The following MECR variants were observed in gnomAD, a reference collection of about 807,000 sequenced individuals.
The protein encoded by MECR is mitochondrial trans-2-enoyl-CoA reductase, also known as enoyl-[acyl-carrier-protein] reductase, mitochondrial.
In MECR, 37 loss-of-function variants were observed where a neutral mutation model predicts 49.1. That is an observed-to-expected ratio of 0.75 (90% CI 0.58 to 0.99). The LOEUF is 0.99. Ranked by LOEUF, MECR falls within the 50% of genes least tolerant of loss-of-function variation. The pLI, the probability that MECR is intolerant of heterozygous loss-of-function variation, is 0.00. For synonymous variants in MECR, 198 were observed against 191.1 expected (o/e 1.04, Z -0.30); for missense variants, 470 against 479.6 (o/e 0.98, Z 0.19).
chr1:29,218,536 T>C (rs779803715), intron 1 of MECR, among the ~76,000 whole-genome samples: 3 of 152,250 alleles, frequency 2.0e-5, no homozygotes, highest in Admixed American at 6.5e-5. Flanking sequence ...CTTTTAATTA[T>C]ACTGGAGGCT....
chr1:29,199,959 C>T (rs1448412159), intron 7 of MECR, among the ~76,000 whole-genome samples: 1 of 151,710 alleles, frequency 6.6e-6, no homozygotes, highest in African/African-American at 2.4e-5. Context: ...TGGGGTCTCA[C>T]TATGTTACCC....
At chr1:29,222,678 A>C (rs1681063020) in intron 1 of MECR, among the ~76,000 whole-genome samples, 1 of 152,130 alleles carries the variant, frequency 6.6e-6, no homozygotes, top group South Asian at 2.1e-4. Context: ...CTGCCATTTG[A>C]GATTCACTGA....
the MECR span, among the ~76,000 whole-genome samples, chr1:29,168,219 CAG>C: frequency 7.0e-6 from 1 of 142,254 alleles, no homozygotes; most frequent in Admixed American, 7.1e-5. Flanking sequence ...TTAGGAGAGA[CAG>C]GGTTTCACCA....
At chr1:29,171,606 T>G in the MECR span, 2 of 151,874 alleles carry the variant, frequency 1.3e-5, no homozygotes, top group Non-Finnish European at 2.9e-5. Context: ...TTTCGGAAGT[T>G]TTAAGATTTC....
the MECR span, chr1:29,170,226 C>G: frequency 6.6e-6 from 1 of 152,120 alleles, no homozygotes; most frequent in Admixed American, 6.5e-5. Flanking sequence ...TTCGTGAAGA[C>G]TCAACCACAA....
chr1:29,181,881 G>T, the MECR span: 1 of 643,838 alleles, frequency 1.6e-6, no homozygotes, highest in Non-Finnish European at 2.3e-6. Flanking sequence ...GCCGAACCCC[G>T]GCGACGTACG....
rs185096116 is a variant in MECR, at chr1:29,222,574, A to T, written c.177-5889T>A. 3.7e-3 allele frequency among the ~76,000 whole-genome samples: 569 copies of T among 152,180 alleles called. 2 individuals are homozygous for T. The highest frequency in any genetic ancestry group is 7.0e-3 in the South Asian group (34 of 4,826). ...TAATGTGGGCTGGGAACATTACAGT[A>T]TTTTCACAGCACAGCCTGCCCCAAA... On this transcript the variant is annotated intron_variant, in intron 1 of 9. Transcript: ENST00000263702.
downstream of MECR, among the ~76,000 whole-genome samples, chr1:29,188,661 GAC>G (rs1262752188): frequency 6.7e-6 from 1 of 149,758 alleles, no homozygotes; most frequent in Non-Finnish European, 1.5e-5. Flanking sequence ...TTTTTTTTGA[GAC>G]AGTTTCACTC....
the MECR span, among the ~76,000 whole-genome samples, chr1:29,182,854 A>G: frequency 6.6e-6 from 1 of 152,162 alleles, no homozygotes; most frequent in African/African-American, 2.4e-5. Context: ...TATCCAGTCT[A>G]TTTTCTAACC....
chr1:29,190,569 G>A (rs1349622609), downstream of MECR, among the ~76,000 whole-genome samples: 10 of 151,962 alleles, frequency 6.6e-5, no homozygotes, highest in African/African-American at 1.7e-4. Context: ...AGAGGCCAGC[G>A]GATCACCTGA....
the MECR span, chr1:29,170,910 C>T: frequency 6.6e-6 from 1 of 152,194 alleles, no homozygotes; most frequent in Admixed American, 6.5e-5. Flanking sequence ...AATAAAGTGC[C>T]TTTCAAGCGC....
chr1:29,203,271 T>TATC, intron 4 of MECR, 38 bp from the exon 5 acceptor site: 1 of 1,494,330 alleles, frequency 6.7e-7, no homozygotes, highest in Non-Finnish European at 9.1e-7. Context: ...AAGCCCTGTA[T>TATC]AGATCTGCAA....
downstream of MECR, among the ~76,000 whole-genome samples, chr1:29,189,063 C>T (rs148439625): frequency 1.1e-3 from 171 of 152,204 alleles, no homozygotes; most frequent in African/African-American, 3.7e-3. Flanking sequence ...TCTCAGCCTC[C>T]TGAAAAACTG....
At chr1:29,219,034 A>T (rs1680139893) in intron 1 of MECR, among the ~76,000 whole-genome samples, 1 of 152,156 alleles carries the variant, frequency 6.6e-6, no homozygotes, top group South Asian at 2.1e-4. Context: ...AGAAGCCAGC[A>T]GGTAAGGGGC....
chr1:29,177,286 T>TG, the MECR span, among the ~76,000 whole-genome samples: 1 of 151,326 alleles, frequency 6.6e-6, no homozygotes, highest in Non-Finnish European at 1.5e-5. Context: ...TCTTTTTGTT[T>TG]TTTTTTTTTT....
chr1:29,222,664 A>G (rs1681058920), intron 1 of MECR, among the ~76,000 whole-genome samples: 1 of 152,202 alleles, frequency 6.6e-6, no homozygotes, highest in Non-Finnish European at 1.5e-5. Flanking sequence ...GAAGCCCAGC[A>G]GCTCTGCCAT....
rs189214169 is a variant in MECR at position 29,205,698 on chromosome 1, C to T, written c.550+1064G>A. Among the ~76,000 whole-genome samples, 820 of 152,054 alleles carry T rather than the reference C, an allele frequency of 5.4e-3. 2 individuals are homozygous for T. The highest frequency in any genetic ancestry group is 7.2e-3 in the Non-Finnish European group (488 of 67,980). On this transcript the variant is annotated intron_variant, in intron 4 of 9. Transcript: ENST00000263702. ...TACAAAAATTAGCCAGGCATGGTGGCAGGCACCTGTAGTCTCAGCTACCTG... is the reference window on the plus strand; with the variant it reads ...TACAAAAATTAGCCAGGCATGGTGGTAGGCACCTGTAGTCTCAGCTACCTG...
intron 4 of MECR, among the ~76,000 whole-genome samples, chr1:29,205,263 C>T (rs1442148686): frequency 2.0e-5 from 3 of 152,090 alleles, no homozygotes; most frequent in Non-Finnish European, 2.9e-5. Flanking sequence ...TGGCTCACTG[C>T]AACTTCCGCC....
At chr1:29,181,518 T>C in the MECR span, 1 of 775,024 alleles carries the variant, frequency 1.3e-6, no homozygotes, top group Non-Finnish European at 1.9e-6. Flanking sequence ...GCGCCGCCAC[T>C]ATGGCGGAGC....
Sources: gnomAD v4.1 joint callset for allele counts (sites outside exome capture counted in the v4.1 genomes callset) on GRCh38, gnomAD v4.1.1 for gene constraint, MANE v1.5 for transcripts, NCBI Gene and HGNC (gene_info 2026-07-23, HGNC 2026-07-21) for gene names.